The following GALNT13 variants were observed in gnomAD, a reference collection of about 807,000 sequenced individuals.
GALNT13 encodes UDP-GalNAc:polypeptide N-acetylgalactosaminyltransferase 13.
Under a neutral mutation model 64.2 loss-of-function variants are expected in GALNT13, and 28 were observed. The observed-to-expected ratio is 0.44, with a 90% CI of 0.32 to 0.60. GALNT13 has a LOEUF of 0.60. GALNT13 is among the 20% of genes least tolerant of loss of function. GALNT13 has a pLI of 0.05. For missense variants in GALNT13, 577 were observed against 669.8 expected (o/e 0.86, Z 1.53); for synonymous variants, 214 against 224.6 (o/e 0.95, Z 0.42).
At chr2:153,411,969 C>T in the GALNT13 span, among the ~76,000 whole-genome samples, 12 of 152,212 alleles carry the variant, frequency 7.9e-5, no homozygotes, top group Non-Finnish European at 1.5e-4. Flanking sequence ...TTAATCTGCT[C>T]GGCACCATCT....
chr2:153,232,565 T>C, the GALNT13 span, among the ~76,000 whole-genome samples: 1 of 152,236 alleles, frequency 6.6e-6, no homozygotes, highest in East Asian at 1.9e-4. Context: ...AGGAAATTCA[T>C]TGATCTCTGC....
At chr2:154,044,693 T>C (rs1419766260) in intron 3 of GALNT13, among the ~76,000 whole-genome samples, 1 of 152,202 alleles carries the variant, frequency 6.6e-6, no homozygotes, top group Admixed American at 6.5e-5. Context: ...TAATGATTTA[T>C]TGCAGACAGA....
chr2:154,403,061 G>T (rs1160477547), intron 10 of GALNT13, among the ~76,000 whole-genome samples: 1 of 152,064 alleles, frequency 6.6e-6, no homozygotes. Context: ...ACAGGGTTGG[G>T]CTCGCTCACT....
At chr2:153,479,789 T>C in the GALNT13 span, among the ~76,000 whole-genome samples, 1 of 152,202 alleles carries the variant, frequency 6.6e-6, no homozygotes, top group Non-Finnish European at 1.5e-5. Flanking sequence ...ATAGGCCTGA[T>C]TGACGCTTCA....
At chr2:154,406,488 C>T (rs764447262) in intron 10 of GALNT13, among the ~76,000 whole-genome samples, 3 of 152,232 alleles carry the variant, frequency 2.0e-5, no homozygotes, top group South Asian at 2.1e-4. Context: ...AAGGCTAGTC[C>T]ATTATTTCAC....
At chr2:153,893,254 G>A (rs1687671782) in intron 1 of GALNT13, among the ~76,000 whole-genome samples, 1 of 152,042 alleles carries the variant, frequency 6.6e-6, no homozygotes, top group Non-Finnish European at 1.5e-5. Flanking sequence ...TTGGAAAATT[G>A]ATTTTGTTTC....
chr2:153,705,528 G>A, the GALNT13 span, among the ~76,000 whole-genome samples: 1 of 152,072 alleles, frequency 6.6e-6, no homozygotes, highest in Non-Finnish European at 1.5e-5. Context: ...ACCTAGGCTG[G>A]GTTTGTTGGG....
chr2:153,767,489 T>G, the GALNT13 span, among the ~76,000 whole-genome samples: 599 of 152,282 alleles, frequency 3.9e-3, 5 homozygotes, highest in African/African-American at 0.014. Context: ...CTGGGTCAAA[T>G]AGGAGTTATA....
the GALNT13 span, among the ~76,000 whole-genome samples, chr2:153,502,265 A>C: frequency 6.6e-6 from 1 of 152,100 alleles, no homozygotes; most frequent in Non-Finnish European, 1.5e-5. Context: ...CCAAGCTCCA[A>C]AGTCCATTGT....
At chr2:154,034,069 G>A (rs867938866) in intron 3 of GALNT13, among the ~76,000 whole-genome samples, 1 of 152,124 alleles carries the variant, frequency 6.6e-6, no homozygotes. Flanking sequence ...CGGTTTGGTA[G>A]TTTCTTATAA....
chr2:154,027,457 C>G (rs755142183), intron 3 of GALNT13, among the ~76,000 whole-genome samples: 1 of 152,006 alleles, frequency 6.6e-6, no homozygotes, highest in African/African-American at 2.4e-5. Flanking sequence ...GGCAAACTGT[C>G]GAATGGACAA....
At chr2:153,496,646 C>G in the GALNT13 span, among the ~76,000 whole-genome samples, 1 of 152,036 alleles carries the variant, frequency 6.6e-6, no homozygotes, top group African/African-American at 2.4e-5. Flanking sequence ...ATTTCTTCTA[C>G]TGCTTTTCAT....
At chr2:153,458,102 A>G in the GALNT13 span, among the ~76,000 whole-genome samples, 4 of 152,160 alleles carry the variant, frequency 2.6e-5, no homozygotes, top group African/African-American at 9.7e-5. Flanking sequence ...CTTATCCTCT[A>G]TGGCCTCTCT....
intron 7 of GALNT13, among the ~76,000 whole-genome samples, chr2:154,253,896 T>A (rs532240640): frequency 6.6e-6 from 1 of 152,212 alleles, no homozygotes; most frequent in Admixed American, 6.5e-5. Context: ...TAAACCAATG[T>A]ATTGGGTATG....
the GALNT13 span, among the ~76,000 whole-genome samples, chr2:153,687,566 T>C: frequency 6.6e-6 from 1 of 151,986 alleles, no homozygotes; most frequent in African/African-American, 2.4e-5. Flanking sequence ...AAGCATTTAA[T>C]TTCTTTTCCA....
chr2:153,141,108 A>T, the GALNT13 span, among the ~76,000 whole-genome samples: 1 of 147,626 alleles, frequency 6.8e-6, no homozygotes, highest in Non-Finnish European at 1.5e-5. Flanking sequence ...CATATGTAAA[A>T]TCAGGAAATA....
At chr2:153,578,329 T>A in the GALNT13 span, among the ~76,000 whole-genome samples, 2 of 152,182 alleles carry the variant, frequency 1.3e-5, no homozygotes, top group African/African-American at 4.8e-5. Flanking sequence ...AGCCTAAAAT[T>A]TAAATGTATA....
the GALNT13 span, among the ~76,000 whole-genome samples, chr2:153,389,530 T>C: frequency 1.3e-5 from 2 of 152,016 alleles, no homozygotes; most frequent in African/African-American, 4.8e-5. Context: ...TGGGACCCCA[T>C]TACACACACT....
chr2:154,231,368 G>A (rs916848292), intron 4 of GALNT13, among the ~76,000 whole-genome samples: 11 of 151,962 alleles, frequency 7.2e-5, no homozygotes, highest in African/African-American at 2.4e-4. Context: ...TTAAAGACAT[G>A]GGGGCCTCTT....
Sources: gnomAD v4.1 joint callset for allele counts (sites outside exome capture counted in the v4.1 genomes callset) on GRCh38, gnomAD v4.1.1 for gene constraint, MANE v1.5 for transcripts, NCBI Gene and HGNC (gene_info 2026-07-23, HGNC 2026-07-21) for gene names.